The following APPBP2 variants were observed in gnomAD, a reference collection of about 807,000 sequenced individuals.
The protein encoded by APPBP2 is amyloid protein-binding protein 2.
A neutral mutation model predicts 76.0 loss-of-function variants in APPBP2; 15 were observed. That is an observed-to-expected ratio of 0.20 (90% CI 0.13 to 0.30). APPBP2 has a LOEUF of 0.30. Among genes scored for constraint, APPBP2 ranks in the 10% least tolerant of loss-of-function variants. APPBP2 has a pLI of 1.00. For missense variants in APPBP2, 401 were observed against 687.2 expected, an observed-to-expected ratio of 0.58 and a Z score of 4.66; for synonymous variants, 222 against 242.2, an observed-to-expected ratio of 0.92 and a Z score of 0.77.
In APPBP2 at chr17:60,463,999, A is replaced by G. The variant is rs780425333; in HGVS notation, c.762+22T>C. 4 of 1,491,016 alleles carry G rather than the reference A, an allele frequency of 2.7e-6. No homozygotes were observed. In the Admixed American group the frequency reaches 8.0e-5, roughly 30 times the overall value. The allele number at this position is 1,491,016 out of a possible 1,614,324, so 92.4% of individuals were successfully genotyped here. A position where few individuals can be genotyped will look rare whatever the true frequency, so the allele number is the denominator to read the frequency against. On this transcript the variant is annotated intron_variant, in intron 6 of 12. Coordinates refer to ENST00000083182, the MANE Select transcript of APPBP2 (RefSeq NM_006380.5). ...CCTGATAAATCCTATAATTCATTTA[A>G]TAATTTTAACATTATATTTACCTTA...
intron 4 of APPBP2, among the ~76,000 whole-genome samples, chr17:60,475,078 A>C (rs2090579684): frequency 1.3e-5 from 2 of 152,054 alleles, no homozygotes; most frequent in African/African-American, 4.8e-5. Context: ...AAATACAAAA[A>C]AATTAGCTGG....
At position 60,456,333 on chromosome 17, in the gene APPBP2, T is replaced by C. The variant is rs756253233; in HGVS notation, c.1110A>G (p.Glu370=). 1.9e-5 allele frequency: 30 copies of C among 1,611,382 alleles called. No individual in the cohort carries two copies. Among genetic ancestry groups the C allele is most frequent in the African/African-American group, 2.7e-5 (2 of 74,876 alleles). Residue 370 remains glutamate, a synonymous_variant, in exon 10 of 13, where the codon GAA becomes GAG. Coordinates refer to ENST00000083182, the MANE Select transcript of APPBP2 (RefSeq NM_006380.5). ...AIGIITHILP[E]DHLLLASSKR... ...TTGAAGAAGCCAAAAGAAGATGATC[T>C]TCAGGTAGGATGTGGGTAATGATAC...
At chr17:60,471,474 T>C (rs1470387712) in intron 4 of APPBP2, among the ~76,000 whole-genome samples, 1 of 151,448 alleles carries the variant, frequency 6.6e-6, no homozygotes, top group African/African-American at 2.5e-5. Flanking sequence ...TTTATCATAT[T>C]GAAGAAGTTC....
At chr17:60,507,465 G>A (rs2090877978) in intron 1 of APPBP2, among the ~76,000 whole-genome samples, 1 of 151,996 alleles carries the variant, frequency 6.6e-6, no homozygotes. Context: ...CACGTGAGCT[G>A]CCCACCTCAG....
intron 3 of APPBP2, among the ~76,000 whole-genome samples, chr17:60,486,313 T>C (rs978829237): frequency 1.3e-5 from 2 of 152,152 alleles, no homozygotes; most frequent in African/African-American, 2.4e-5. Context: ...AGTCTCCCAT[T>C]ATTATTATGT....
chr17:60,493,695 A>G (rs2090750444), intron 3 of APPBP2, among the ~76,000 whole-genome samples: 1 of 146,518 alleles, frequency 6.8e-6, no homozygotes, highest in Non-Finnish European at 1.5e-5. Context: ...GCTGGAGTGC[A>G]GTGGCACAAT....
Position 60,477,462 on chromosome 17 carries a change from A to C in APPBP2, c.503+1686T>G, listed in dbSNP as rs563949845. 23 of 152,328 alleles carry C rather than the reference A, an allele frequency of 1.5e-4. No individual in the cohort carries two copies. The South Asian group carries it at 4.8e-3, about 32-fold the overall frequency. 9.4% of individuals were successfully genotyped at this position (152,328 alleles called of 1,614,324 possible). A position where few individuals can be genotyped will look rare whatever the true frequency, so the allele number is the denominator to read the frequency against. On this transcript the variant is annotated intron_variant, in intron 4 of 12. Transcript: ENST00000083182. ...CCAGTTTATGTACATAGCAATATAT[A>C]ACTAACCTCCCAAATCCCATATGGG...
intron 3 of APPBP2, among the ~76,000 whole-genome samples, chr17:60,482,315 A>C (rs1056402853): frequency 6.7e-6 from 1 of 150,280 alleles, no homozygotes; most frequent in Non-Finnish European, 1.5e-5. Flanking sequence ...AGAAATGTTT[A>C]ATTTTCCCTT....
chr17:60,449,944 AC>A (rs201547540), intron 12 of APPBP2, among the ~76,000 whole-genome samples: 151,763 of 151,772 alleles, frequency 1, 75,877 homozygotes, highest in Middle Eastern at 1. Context: ...TTACAGGCGT[AC>A]TGTACCACGC....
At position 60,447,588 on chromosome 17, in the gene APPBP2, C is replaced by G. The variant is rs149069285; in HGVS notation, c.1751G>C (p.Ser584Thr). 3.1e-6 allele frequency: 5 copies of G among 1,611,096 alleles called. No individual in the cohort carries two copies. Among genetic ancestry groups the G allele is most frequent in the Non-Finnish European group, 4.2e-6 (5 of 1,178,234 alleles). The change falls in exon 13 of 13, where the codon AGC becomes ACC. Residue 584 changes from serine (S) to threonine (T), a missense_variant. By Grantham distance (58) the Ser-to-Thr change is moderately conservative. Coordinates refer to ENST00000083182, the MANE Select transcript of APPBP2 (RefSeq NM_006380.5). ...GTTAACTGAGGTCCTCCCTCAGCAGCTCGGTCCCTCGACATTCTGAGAAAT... is the reference window on the plus strand; with the variant it reads ...GTTAACTGAGGTCCTCCCTCAGCAGGTCGGTCCCTCGACATTCTGAGAAAT... Reference protein sequence around the residue: ...FLISQNVEGPSC With the variant: ...FLISQNVEGPTC
chr17:60,494,853 G>C (rs1273767235), intron 2 of APPBP2, among the ~76,000 whole-genome samples: 1 of 152,134 alleles, frequency 6.6e-6, no homozygotes, highest in Non-Finnish European at 1.5e-5. Flanking sequence ...TGTGTAACTT[G>C]ATGACAAGGA....
chr17:60,469,592 C>CT (rs1485674794), intron 4 of APPBP2, among the ~76,000 whole-genome samples: 2 of 152,134 alleles, frequency 1.3e-5, no homozygotes, highest in Non-Finnish European at 2.9e-5. Flanking sequence ...CTTTCTGTCT[C>CT]TATGAATTTG....
rs1477953918 is a variant in APPBP2, at chr17:60,447,427, T to G, written c.*154A>C. 1 of 747,612 alleles carries G rather than the reference T, an allele frequency of 1.3e-6. No individual in the cohort carries two copies. The highest frequency in any genetic ancestry group is 1.8e-5 in the African/African-American group (1 of 56,752). 46.3% of individuals were successfully genotyped at this position (747,612 alleles called of 1,614,324 possible). On this transcript the variant is annotated 3_prime_UTR_variant, in exon 13 of 13. Coordinates refer to ENST00000083182, the MANE Select transcript of APPBP2 (RefSeq NM_006380.5). ...AATATATGCTTATTCCTACAGACATTCTGCAAGATAGGGATCACCCAAAAT... is the reference window on the plus strand; with the variant it reads ...AATATATGCTTATTCCTACAGACATGCTGCAAGATAGGGATCACCCAAAAT...
chr17:60,519,780 T>G (rs1179169219), intron 1 of APPBP2, among the ~76,000 whole-genome samples: 1 of 109,798 alleles, frequency 9.1e-6, no homozygotes, highest in African/African-American at 6.2e-5. Flanking sequence ...CAAATTTAAT[T>G]TTTTTTTTTT....
chr17:60,496,867 T>C (rs2090779973), intron 2 of APPBP2, among the ~76,000 whole-genome samples: 1 of 152,092 alleles, frequency 6.6e-6, no homozygotes, highest in East Asian at 1.9e-4. Flanking sequence ...ATTACAGGCA[T>C]GAGCTACCAC....
chr17:60,458,365 T>C (rs1598348135), intron 9 of APPBP2, among the ~76,000 whole-genome samples: 1 of 150,320 alleles, frequency 6.7e-6, no homozygotes, highest in Non-Finnish European at 1.5e-5. Flanking sequence ...ACCTGGGAGG[T>C]GGAGAGTGCA....
At position 60,500,405 on chromosome 17, in the gene APPBP2, T is replaced by C; in HGVS notation, c.221A>G (p.Asp74Gly). The C allele has an allele frequency of 6.3e-7, 1 of 1,597,698 alleles. No individual in the cohort carries two copies. The highest frequency in any genetic ancestry group is 8.5e-7 in the Non-Finnish European group (1 of 1,170,682). ...EVFAKVLRAL[D>G]KRHLLHHCFQ... is the part of the protein sequence containing the mutation. ...TTTTTAAAAAAGAATTTACCTTTTA[T>C]CCAAAGCTCTCAGTACTTTAGCAAA... Residue 74 changes from aspartate to glycine, a missense_variant, in exon 2 of 13, where the codon GAT (aspartate) becomes GGT (glycine). By Grantham distance (94) the Asp-to-Gly change is moderately conservative. Coordinates refer to ENST00000083182, the MANE Select transcript of APPBP2 (RefSeq NM_006380.5).
chr17:60,459,598 T>C (rs2090461549), intron 9 of APPBP2: 1 of 148,986 alleles, frequency 6.7e-6, no homozygotes, highest in Admixed American at 6.8e-5. Flanking sequence ...GTTCAAGCAA[T>C]TGTCTGCCTC....
chr17:60,496,183 G>T (rs1457176422), intron 2 of APPBP2, among the ~76,000 whole-genome samples: 2 of 152,226 alleles, frequency 1.3e-5, no homozygotes. Flanking sequence ...GACTGTTAAT[G>T]ATTTCTTTTT....
Sources: allele counts gnomAD v4.1 joint callset (sites outside exome capture counted in the v4.1 genomes callset), GRCh38; gene constraint gnomAD v4.1.1; transcripts MANE v1.5; gene names NCBI Gene and HGNC (gene_info 2026-07-23, HGNC 2026-07-21).